KANK1: variants seen among roughly 807,000 people sequenced by gnomAD.
KANK1 encodes KN motif and ankyrin repeat domains 1, also known as KN motif and ankyrin repeat domain-containing protein 1.
A neutral mutation model predicts 106.2 loss-of-function variants in KANK1; 109 were observed. The observed-to-expected ratio is 1.03, with a 90% confidence interval of 0.88 to 1.20. The LOEUF is 1.20. KANK1 is among the 50% of genes most tolerant of loss of function. The probability of loss-of-function intolerance (pLI) is 0.00; values close to 1 mark genes in which losing one functional copy is unlikely to be tolerated. For synonymous variants in KANK1, 873 were observed against 652.2 expected, an observed-to-expected ratio of 1.34 and a Z score of -5.16; for missense variants, 2,399 against 1,710.7, an observed-to-expected ratio of 1.40 and a Z score of -7.10.
chr9:709,386 C>T (rs1380633437), intron 2 of KANK1, among the ~76,000 whole-genome samples: 1 of 152,154 alleles, frequency 6.6e-6, no homozygotes, highest in Non-Finnish European at 1.5e-5. Context: ...GTGCCCTTGA[C>T]CTCCATTTAG....
chr9:694,123 A>G (rs1246103295), intron 2 of KANK1, among the ~76,000 whole-genome samples: 2 of 152,162 alleles, frequency 1.3e-5, no homozygotes, highest in Non-Finnish European at 2.9e-5. Context: ...TGTTTTTCCA[A>G]TAGGGAGTTG....
At chr9:689,285 A>C (rs1050084516) in intron 2 of KANK1, among the ~76,000 whole-genome samples, 1 of 152,174 alleles carries the variant, frequency 6.6e-6, no homozygotes, top group Non-Finnish European at 1.5e-5. Flanking sequence ...GCGTTTGTTG[A>C]ATAAAGGATA....
chr9:715,336 A>G (rs779979443), intron 3 of KANK1, among the ~76,000 whole-genome samples: 10 of 136,862 alleles, frequency 7.3e-5, no homozygotes, highest in Non-Finnish European at 1.4e-4. Flanking sequence ...TGTCAGATGA[A>G]GTCAAAATAA....
At chr9:558,762 T>C (rs1563767410) in intron 1 of KANK1, 1 of 150,196 alleles carries the variant, frequency 6.7e-6, no homozygotes, top group Non-Finnish European at 1.5e-5. Flanking sequence ...GAACAAAGAG[T>C]GTAGGCTGGT....
upstream of KANK1, among the ~76,000 whole-genome samples, chr9:503,776 G>A (rs532819573): frequency 1.4e-4 from 21 of 152,284 alleles, no homozygotes; most frequent in Admixed American, 1.3e-3. Context: ...GAAAAAGACT[G>A]AAGTCACAGC....
At position 574,580 on chromosome 9, in the gene KANK1, C is replaced by T. The variant is rs551774646; in HGVS notation, c.-84+69826C>T. ...GTTTGAAAATATTCTTTCTCAGCCG[C>T]GCGTGGTGGCTTATGCCTGTAATCC... On this transcript the variant is annotated intron_variant, in intron 1 of 11. Coordinates refer to ENST00000382297, the MANE Select transcript of KANK1 (RefSeq NM_015158.5). Among the ~76,000 whole-genome samples, 4 of 152,162 alleles carry T rather than the reference C, an allele frequency of 2.6e-5. No individual in the cohort carries two copies. The South Asian group carries it at 6.2e-4, about 24-fold the overall frequency.
At chr9:678,042 C>A (rs1432316045) in intron 2 of KANK1, among the ~76,000 whole-genome samples, 1 of 152,180 alleles carries the variant, frequency 6.6e-6, no homozygotes, top group African/African-American at 2.4e-5. Flanking sequence ...AGTGGGCATT[C>A]CCAGCCCATG....
chr9:557,555 G>GT (rs955542355), intron 1 of KANK1, among the ~76,000 whole-genome samples: 1 of 152,206 alleles, frequency 6.6e-6, no homozygotes, highest in Admixed American at 6.5e-5. Flanking sequence ...GGAATTCTTG[G>GT]TAGGGGGCTA....
At chr9:646,532 C>CT (rs1384649993) in intron 1 of KANK1, among the ~76,000 whole-genome samples, 1 of 150,408 alleles carries the variant, frequency 6.6e-6, no homozygotes, top group Non-Finnish European at 1.5e-5. Flanking sequence ...AAGTTATATG[C>CT]TTTCAGACTT....
intron 1 of KANK1, among the ~76,000 whole-genome samples, chr9:619,765 T>C (rs530081299): frequency 1.3e-5 from 2 of 152,288 alleles, no homozygotes; most frequent in South Asian, 4.2e-4. Context: ...ATTAATAATT[T>C]GCAATGATTT....
intron 1 of KANK1, among the ~76,000 whole-genome samples, chr9:547,705 G>A (rs1009069235): frequency 2.1e-5 from 3 of 143,310 alleles, no homozygotes; most frequent in African/African-American, 7.3e-5. Flanking sequence ...TGCATGGTGG[G>A]TACCATTATA....
intron 1 of KANK1, among the ~76,000 whole-genome samples, chr9:564,162 C>G (rs1817222729): frequency 6.6e-6 from 1 of 151,818 alleles, no homozygotes; most frequent in African/African-American, 2.4e-5. Context: ...CGGGTTCACG[C>G]CATTCTCCTG....
intron 1 of KANK1, among the ~76,000 whole-genome samples, chr9:671,053 G>GA (rs1845796958): frequency 6.7e-6 from 1 of 149,276 alleles, no homozygotes; most frequent in Admixed American, 6.7e-5. Context: ...AATCTCGATG[G>GA]TGTATATTTA....
At chr9:690,370 C>G (rs567172972) in intron 2 of KANK1, among the ~76,000 whole-genome samples, 2 of 150,098 alleles carry the variant, frequency 1.3e-5, no homozygotes, top group African/African-American at 4.9e-5. Context: ...CTTTTCAGTA[C>G]CAAAATAGTA....
At chr9:742,163 C>G (rs368063539) in intron 9 of KANK1, 42 bp from the exon 10 acceptor site, 22 of 1,567,448 alleles carry the variant, frequency 1.4e-5, no homozygotes, top group Non-Finnish European at 1.9e-5. Flanking sequence ...CCACTGCCAG[C>G]TCAGTACGTA....
chr9:595,590 A>G (rs1826016823), intron 1 of KANK1, among the ~76,000 whole-genome samples: 1 of 151,778 alleles, frequency 6.6e-6, no homozygotes. Context: ...CAGTGGCGTG[A>G]TCATTGCTTA....
chr9:710,774 C>T (rs902903799), intron 2 of KANK1, 30 bp from the exon 3 acceptor site: 67 of 1,538,054 alleles, frequency 4.4e-5, no homozygotes, highest in Non-Finnish European at 5.8e-5. Flanking sequence ...TATTGCATGT[C>T]ATTATAATAT....
intron 1 of KANK1, among the ~76,000 whole-genome samples, chr9:553,161 T>A (rs1037917395): frequency 2.7e-4 from 41 of 152,098 alleles, no homozygotes; most frequent in African/African-American, 9.7e-4. Flanking sequence ...AAGAATGCAA[T>A]TGTAATTTTG....
intron 7 of KANK1, among the ~76,000 whole-genome samples, chr9:735,520 CT>C (rs1300444294): frequency 1.3e-5 from 2 of 152,200 alleles, no homozygotes; most frequent in African/African-American, 4.8e-5. Context: ...ATAGGCCAGA[CT>C]AACCCCCTGG....
Sources: gnomAD v4.1 joint callset for allele counts (sites outside exome capture counted in the v4.1 genomes callset) on GRCh38, gnomAD v4.1.1 for gene constraint, MANE v1.5 for transcripts, NCBI Gene and HGNC (gene_info 2026-07-23, HGNC 2026-07-21) for gene names.